PRDM1: variants seen among roughly 807,000 people sequenced by gnomAD.
The protein encoded by PRDM1 is PR/SET domain 1.
In PRDM1, 13 loss-of-function variants were observed where a neutral mutation model predicts 62.8. The observed-to-expected ratio is 0.21, with a 90% confidence interval of 0.13 to 0.33. PRDM1 has a LOEUF of 0.33. PRDM1 is among the 10% of genes least tolerant of loss of function. PRDM1 has a pLI of 1.00. For missense variants in PRDM1, 895 were observed against 1,058.8 expected, an observed-to-expected ratio of 0.85 and a Z score of 2.15; for synonymous variants, 396 against 417.6, an observed-to-expected ratio of 0.95 and a Z score of 0.63.
At chr6:106,068,451 TTGTC>T (rs1427190048) in intron 1 of PRDM1, among the ~76,000 whole-genome samples, 1 of 152,192 alleles carries the variant, frequency 6.6e-6, no homozygotes, top group African/African-American at 2.4e-5. Context: ...TTACATATGT[TTGTC>T]TGTGTGCAAT....
chr6:106,094,453 C>G (rs893344347), intron 2 of PRDM1, among the ~76,000 whole-genome samples: 2 of 152,068 alleles, frequency 1.3e-5, no homozygotes, highest in African/African-American at 4.8e-5. Flanking sequence ...TTTTTTTACC[C>G]CTTCAAAGAG....
At chr6:106,102,558 CT>C (rs1217652522) in intron 4 of PRDM1, among the ~76,000 whole-genome samples, 3 of 152,154 alleles carry the variant, frequency 2.0e-5, no homozygotes, top group Non-Finnish European at 4.4e-5. Flanking sequence ...AAAATTCTGG[CT>C]TTTTTGTTGG....
At chr6:106,085,779 A>G (rs1773785599), upstream of PRDM1, among the ~76,000 whole-genome samples, 1 of 146,894 alleles carries the variant, frequency 6.8e-6, no homozygotes, top group Non-Finnish European at 1.5e-5. Flanking sequence ...CCTATTTACT[A>G]AATAGTTAAA....
chr6:106,098,757 T>C, intron 3 of PRDM1: 1 of 1,457,048 alleles, frequency 6.9e-7, no homozygotes. Context: ...CAAGTGTTAC[T>C]TTAGGACTTG....
upstream of PRDM1, among the ~76,000 whole-genome samples, chr6:106,043,543 A>T (rs1446998361): frequency 2.6e-5 from 4 of 151,808 alleles, no homozygotes; most frequent in Admixed American, 1.3e-4. Context: ...TATTATTATT[A>T]TTTTTTTGAG....
chr6:106,003,417 G>A (rs973536310), intron 1 of PRDM1, among the ~76,000 whole-genome samples: 10 of 152,098 alleles, frequency 6.6e-5, no homozygotes, highest in African/African-American at 2.4e-4. Context: ...ACAGACTGCA[G>A]GTTTATTGGG....
chr6:106,066,339 G>C (rs1391435505), intron 1 of PRDM1, among the ~76,000 whole-genome samples: 2 of 152,164 alleles, frequency 1.3e-5, no homozygotes, highest in Non-Finnish European at 2.9e-5. Context: ...GAAGCGGGGT[G>C]AGCTGTGAGG....
At position 106,105,296 on chromosome 6, in the gene PRDM1, C is replaced by T. The variant is rs368185616; in HGVS notation, c.1136C>T (p.Ala379Val). 2.5e-6 allele frequency: 4 copies of T among 1,613,382 alleles called. No homozygotes were observed. The African/African-American group carries it at 5.3e-5, about 22-fold the overall frequency. The change falls in exon 5 of 7, where the codon GCG becomes GTG. Residue 379 changes from alanine to valine, a missense_variant. By Grantham distance (64) the Ala-to-Val change is moderately conservative. Around this residue, in one of 4 missense-constraint regions of PRDM1, gnomAD observed 444 missense variants for 422.7 expected, o/e 1.05. Transcript: ENST00000369096. ...EHRDSYAYLN[A>V]SYGTEGLGSY... ...CGGGACTCCTACGCTTACTTGAACG[C>T]GTCCTACGGCACGGAAGGTTTGGGC...
At chr6:106,002,543 A>C (rs1181341736) in intron 1 of PRDM1, among the ~76,000 whole-genome samples, 4 of 152,206 alleles carry the variant, frequency 2.6e-5, no homozygotes, top group Non-Finnish European at 5.9e-5. Context: ...TAATGTTAAA[A>C]TGTACAAAGA....
intron 1 of PRDM1, among the ~76,000 whole-genome samples, chr6:106,034,635 C>T (rs373825545): frequency 7.9e-5 from 7 of 88,420 alleles, no homozygotes; most frequent in African/African-American, 1.8e-4. Context: ...TGTTCTCTCT[C>T]TTTTTTTTTT....
chr6:106,051,668 A>C (rs1773176820), intron 1 of PRDM1, among the ~76,000 whole-genome samples: 1 of 152,200 alleles, frequency 6.6e-6, no homozygotes, highest in Non-Finnish European at 1.5e-5. Flanking sequence ...GGCAAAGAGT[A>C]GGCCACAACA....
At chr6:105,999,394 A>C (rs1772400623) in intron 1 of PRDM1, among the ~76,000 whole-genome samples, 1 of 142,278 alleles carries the variant, frequency 7.0e-6, no homozygotes, top group Admixed American at 7.0e-5. Context: ...CCATGTCTAC[A>C]AAAAAAAAAA....
chr6:106,072,700 A>G (rs1268408454), intron 1 of PRDM1, among the ~76,000 whole-genome samples: 1 of 152,204 alleles, frequency 6.6e-6, no homozygotes, highest in Non-Finnish European at 1.5e-5. Flanking sequence ...GGGGAGCTGC[A>G]GGGCAACCTT....
rs1773808283 is a variant in PRDM1, at chr6:106,086,475, T to C, written c.-79T>C. ...ACGAAGCGAGGAGGGACCGCCGAGGTGCGCGTCTGTGCGGCTCAGCCTGGC... is the reference window on the plus strand; with the variant it reads ...ACGAAGCGAGGAGGGACCGCCGAGGCGCGCGTCTGTGCGGCTCAGCCTGGC... On this transcript the variant is annotated 5_prime_UTR_variant, in exon 1 of 7. Coordinates refer to ENST00000369096, the MANE Select transcript of PRDM1 (RefSeq NM_001198.4). The C allele has an allele frequency of 1.4e-6, 2 of 1,401,580 alleles. No homozygotes were observed. Among genetic ancestry groups the C allele is most frequent in the East Asian group, 5.0e-5 (2 of 39,658 alleles). 86.8% of individuals were successfully genotyped at this position (1,401,580 alleles called of 1,614,324 possible). A position where few individuals can be genotyped will look rare whatever the true frequency, so the allele number is the denominator to read the frequency against.
At position 105,994,759 on chromosome 6, in the gene PRDM1, A is replaced by G. The variant is rs568064212; in HGVS notation, c.-67+1120A>G. Among the ~76,000 whole-genome samples the G allele has an allele frequency of 3.9e-5, 6 of 152,242 alleles. No homozygotes were observed. The South Asian group carries it at 6.2e-4, about 16-fold the overall frequency. On this transcript the variant is annotated intron_variant, in intron 1 of 6. Coordinates refer to the PRDM1 transcript ENST00000652320. The surrounding 1 kb of genome is among the most constrained non-coding windows in gnomAD (Gnocchi z 4.1). ...CATCAGTCCTGCCCGTAACTTCCTA[A>G]CGACATCTTCTTGGAGCAGATTCCG...
At chr6:106,067,992 T>A (rs892167872) in intron 1 of PRDM1, among the ~76,000 whole-genome samples, 6 of 152,192 alleles carry the variant, frequency 3.9e-5, no homozygotes, top group Non-Finnish European at 8.8e-5. Context: ...TTATCTATAT[T>A]TATTTTGCAT....
In PRDM1 at chr6:106,106,904, A is replaced by G; in HGVS notation, c.1903-7A>G. 6.2e-7 allele frequency: 1 copy of G among 1,609,354 alleles called. No homozygotes were observed. ...CTTCCCTGCTGTCTCTCTCCCCTAC[A>G]CTGTAGGTCTGCCACAAGAGATTTA... On this transcript the variant is annotated splice_polypyrimidine_tract_variant and splice_region_variant and intron_variant, in intron 6 of 6. Transcript: ENST00000369096. The surrounding 1 kb of genome is among the most constrained non-coding windows in gnomAD (Gnocchi z 4.4).
intron 1 of PRDM1, among the ~76,000 whole-genome samples, chr6:105,998,921 ATATATATATATATTTTTTTTTTTT>A (rs1258897073): frequency 7.2e-3 from 20 of 2,778 alleles, no homozygotes; most frequent in African/African-American, 0.02. Context: ...ATATATATAT[ATATATATATATATTTTTTTTTTTT>A]TTTTTCTTTT....
At chr6:106,076,374 T>C (rs1773606159) in intron 1 of PRDM1, among the ~76,000 whole-genome samples, 2 of 152,216 alleles carry the variant, frequency 1.3e-5, no homozygotes, top group Admixed American at 1.3e-4. Context: ...AAATTTTGTA[T>C]ACAGAAAGAA....
Sources: allele counts gnomAD v4.1 joint callset (sites outside exome capture counted in the v4.1 genomes callset), GRCh38; gene constraint gnomAD v4.1.1; regional missense constraint gnomAD v4.1.1; non-coding constraint Gnocchi (gnomAD v3.1); transcripts MANE v1.5; gene names NCBI Gene and HGNC (gene_info 2026-07-23, HGNC 2026-07-21).